Variants in THEMIS2 observed in about 807,000 individuals in gnomAD.
THEMIS2 encodes protein THEMIS2.
Under a neutral mutation model 46.8 loss-of-function variants are expected in THEMIS2, and 29 were observed. The observed-to-expected ratio is 0.62, with a 90% CI of 0.46 to 0.84. The LOEUF is 0.84. THEMIS2 is among the 40% of genes least tolerant of loss of function. The pLI is 0.00. For synonymous variants in THEMIS2, 335 were observed against 349.1 expected (o/e 0.96, Z 0.45); for missense variants, 698 against 834.7 (o/e 0.84, Z 2.02).
At chr1:27,879,267 G>A (rs537004766) in intron 2 of THEMIS2, among the ~76,000 whole-genome samples, 9 of 152,236 alleles carry the variant, frequency 5.9e-5, no homozygotes, top group South Asian at 4.2e-4. Flanking sequence ...GAGTGGGATC[G>A]GACCTGTGGA....
chr1:27,875,694 T>A (rs1268637268), intron 1 of THEMIS2, among the ~76,000 whole-genome samples: 7 of 151,958 alleles, frequency 4.6e-5, no homozygotes, highest in Admixed American at 3.9e-4. Flanking sequence ...TTAATTAATT[T>A]ATTTTTATTT....
chr1:27,873,020 G>T (rs1424115646), intron 1 of THEMIS2, among the ~76,000 whole-genome samples: 1 of 152,158 alleles, frequency 6.6e-6, no homozygotes, highest in African/African-American at 2.4e-5. Flanking sequence ...GCTGCGTCTT[G>T]ATTCTGAAGT....
At position 27,886,667 on chromosome 1, in the gene THEMIS2, G is replaced by A. The variant is rs1160139738; in HGVS notation, c.*745G>A. On this transcript the variant is annotated 3_prime_UTR_variant, in exon 6 of 6. Transcript: ENST00000373921. Reference sequence around the variant, plus strand: ...ACCATAGAATAAAAATGACACCTGAGCTTCTCTATGAATGAGAACGGTATC... The same window carrying A: ...ACCATAGAATAAAAATGACACCTGAACTTCTCTATGAATGAGAACGGTATC... 6.6e-6 allele frequency: 1 copy of A among 152,194 alleles called. No homozygotes were observed. The highest frequency in any genetic ancestry group is 1.5e-5 in the Non-Finnish European group (1 of 68,036). 9.4% of individuals were successfully genotyped at this position (152,194 alleles called of 1,614,324 possible).
intron 3 of THEMIS2, among the ~76,000 whole-genome samples, chr1:27,880,979 CA>C (rs1278411055): frequency 6.6e-6 from 1 of 151,744 alleles, no homozygotes; most frequent in African/African-American, 2.4e-5. Flanking sequence ...AGGGTTTCGC[CA>C]TATCGGCCAG....
At chr1:27,883,151 T>C (rs938180823) in intron 4 of THEMIS2, 108 bp downstream of exon 4, 1 of 999,540 alleles carries the variant, frequency 1.0e-6, no homozygotes, top group Non-Finnish European at 1.5e-6. Flanking sequence ...ACTTGTAGTT[T>C]ATAAACTTGC....
chr1:27,880,804 A>T (rs1219297527), intron 3 of THEMIS2, among the ~76,000 whole-genome samples: 2 of 151,992 alleles, frequency 1.3e-5, no homozygotes, highest in East Asian at 3.9e-4. Context: ...TTTGAAGCAG[A>T]GTCTTGCTCT....
Position 27,885,940 on chromosome 1 carries a change from C to T in THEMIS2, c.*18C>T, listed in dbSNP as rs764547186. Reference sequence around the variant, plus strand: ...CCATCTAAGTGCTGGAGGAACCACGCTTCCTAACTGCTGCTTCTCAGGGAA... The same window carrying T: ...CCATCTAAGTGCTGGAGGAACCACGTTTCCTAACTGCTGCTTCTCAGGGAA... On this transcript the variant is annotated 3_prime_UTR_variant, in exon 6 of 6. Transcript: ENST00000373921. 4 of 1,613,090 alleles carry T rather than the reference C, an allele frequency of 2.5e-6. No homozygotes were observed. The highest frequency in any genetic ancestry group is 3.4e-6 in the Non-Finnish European group (4 of 1,179,120).
chr1:27,879,798 C>T lies in THEMIS2; in HGVS notation c.390C>T (p.Leu130=), dbSNP rs779927473. 2.3e-5 allele frequency: 37 copies of T among 1,614,034 alleles called. No individual in the cohort carries two copies. The South Asian group carries it at 4.0e-4, about 17-fold the overall frequency. ...EGRVVTEDQL[L]MLEAVVMHLG... is the part of the protein sequence containing the mutation. ...GGGTGGTGACTGAGGACCAGCTCCT[C>T]ATGCTTGAGGCTGTGGTGATGCACC... Residue 130 remains leucine, a synonymous_variant, in exon 3 of 6, where the codon CTC becomes CTT. Coordinates refer to ENST00000373921, the MANE Select transcript of THEMIS2 (RefSeq NM_001105556.3).
chr1:27,880,307 C>T (rs566072049), intron 3 of THEMIS2, among the ~76,000 whole-genome samples: 2 of 152,180 alleles, frequency 1.3e-5, no homozygotes, highest in African/African-American at 2.4e-5. Flanking sequence ...GCCTCAGCCT[C>T]CCGAGTAGCT....
Position 27,881,926 on chromosome 1 carries a change from C to T in THEMIS2, c.647-45C>T, listed in dbSNP as rs2089685367. 6.5e-6 allele frequency: 10 copies of T among 1,528,754 alleles called. No individual in the cohort carries two copies. The South Asian group carries it at 1.1e-4, about 17-fold the overall frequency. The allele number at this position is 1,528,754 out of a possible 1,614,324, so 94.7% of individuals were successfully genotyped here. A position where few individuals can be genotyped will look rare whatever the true frequency, so the allele number is the denominator to read the frequency against. On this transcript the variant is annotated intron_variant, in intron 3 of 5. Coordinates refer to ENST00000373921, the MANE Select transcript of THEMIS2 (RefSeq NM_001105556.3). ...TGCTCTATGCCTGGGGTGGGGGCCA[C>T]TCCTGGGGTGGCATGCAGTGCCACT... is the stretch of plus-strand genomic sequence containing the variant.
rs1256439126 is a variant in THEMIS2 at position 27,885,312 on chromosome 1, A to G, written c.1737A>G (p.Gly579=). Residue 579 remains glycine, a synonymous_variant, in exon 5 of 6, where the codon GGA becomes GGG. Transcript: ENST00000373921. ...EGGVKSSQVL[G]LQQHARLPKP... ...TCCCAAAGTCTTCTCAAGTCTTAGG[A>G]TTGCAGCAACACGCTCGGCTGCCCA... 8.1e-6 allele frequency: 13 copies of G among 1,613,974 alleles called. No individual in the cohort carries two copies. The highest frequency in any genetic ancestry group is 1.0e-5 in the Non-Finnish European group (12 of 1,180,016).
chr1:27,875,844 G>C (rs529952184), intron 1 of THEMIS2, among the ~76,000 whole-genome samples: 1 of 152,110 alleles, frequency 6.6e-6, no homozygotes, highest in Admixed American at 6.5e-5. Flanking sequence ...GGAACTACAG[G>C]TGCCCGCCAC....
At chr1:27,877,883 C>T (rs942327728) in intron 2 of THEMIS2, among the ~76,000 whole-genome samples, 2 of 152,044 alleles carry the variant, frequency 1.3e-5, no homozygotes, top group African/African-American at 4.8e-5. Context: ...TGGCTGGTGG[C>T]TCATGCCTGT....
chr1:27,884,087 CTG>C (rs1338403880), intron 4 of THEMIS2: 1 of 152,294 alleles, frequency 6.6e-6, no homozygotes, highest in Non-Finnish European at 1.5e-5. Context: ...CCTGCTTACT[CTG>C]TGGCAGGCCC....
intron 3 of THEMIS2, among the ~76,000 whole-genome samples, chr1:27,881,186 C>T (rs940486918): frequency 2.6e-5 from 4 of 152,002 alleles, no homozygotes; most frequent in Non-Finnish European, 5.9e-5. Context: ...CACAGTGGCT[C>T]ACGCCTGTAA....
intron 3 of THEMIS2, among the ~76,000 whole-genome samples, chr1:27,880,626 C>CA (rs2089663972): frequency 6.6e-6 from 1 of 152,300 alleles, no homozygotes; most frequent in East Asian, 1.9e-4. Context: ...CCCATCTCTA[C>CA]AAAAATTTTT....
At chr1:27,873,133 A>G (rs1268676261) in intron 1 of THEMIS2, among the ~76,000 whole-genome samples, 1 of 151,994 alleles carries the variant, frequency 6.6e-6, no homozygotes, top group African/African-American at 2.4e-5. Flanking sequence ...CTGTTTGACC[A>G]TGGGCAGTAC....
chr1:27,876,022 C>A (rs1157759328), intron 1 of THEMIS2, among the ~76,000 whole-genome samples: 2 of 152,032 alleles, frequency 1.3e-5, no homozygotes, highest in Non-Finnish European at 2.9e-5. Flanking sequence ...CACTTTAAAC[C>A]AGGAAAGCAG....
At chr1:27,873,992 G>A (rs2089533390) in intron 1 of THEMIS2, among the ~76,000 whole-genome samples, 2 of 150,550 alleles carry the variant, frequency 1.3e-5, no homozygotes, top group South Asian at 4.2e-4. Flanking sequence ...GGTTGGTTAG[G>A]AGCACTGGCT....
Sources: gnomAD v4.1 joint callset for allele counts (sites outside exome capture counted in the v4.1 genomes callset) on GRCh38, gnomAD v4.1.1 for gene constraint, MANE v1.5 for transcripts, NCBI Gene and HGNC (gene_info 2026-07-23, HGNC 2026-07-21) for gene names.